The following IFT22 variants were observed in gnomAD, a reference collection of about 807,000 sequenced individuals.
The protein encoded by IFT22 is intraflagellar transport protein 22 homolog.
A neutral mutation model predicts 21.0 loss-of-function variants in IFT22; 13 were observed. That is an observed-to-expected ratio of 0.62 (90% CI 0.40 to 0.98). IFT22 has a LOEUF of 0.98. Among genes scored for constraint, IFT22 ranks in the 50% least tolerant of loss-of-function variants. The pLI is 0.00. For missense variants in IFT22, 227 were observed against 228.9 expected, an observed-to-expected ratio of 0.99 and a Z score of 0.06; for synonymous variants, 67 against 82.4, an observed-to-expected ratio of 0.81 and a Z score of 1.01.
At position 101,312,999 on chromosome 7, in the gene IFT22, A is replaced by T. The variant is rs1002958763; in HGVS notation, c.*2135T>A. Among the ~76,000 whole-genome samples the T allele has an allele frequency of 8.6e-5, 13 of 151,420 alleles. No individual in the cohort carries two copies. Among genetic ancestry groups the T allele is most frequent in the African/African-American group, 3.2e-4 (13 of 41,170 alleles). On this transcript the variant is annotated 3_prime_UTR_variant, in exon 5 of 5. Coordinates refer to ENST00000315322, the MANE Select transcript of IFT22 (RefSeq NM_022777.4). Reference sequence around the variant, plus strand: ...CAGGCACGTGCTACCACGCCCAGCTAATTTTTGTATTTTTAGTAGAGACGG... The same window carrying T: ...CAGGCACGTGCTACCACGCCCAGCTTATTTTTGTATTTTTAGTAGAGACGG...
chr7:101,316,204 G>A, intron 4 of IFT22, 136 bp downstream of exon 4: 1 of 797,254 alleles, frequency 1.3e-6, no homozygotes, highest in East Asian at 2.5e-5. Context: ...GACTCACATG[G>A]AGAGGGTAAC....
intron 4 of IFT22, 77 bp downstream of exon 4, chr7:101,316,263 T>C (rs1372898424): frequency 4.3e-6 from 6 of 1,409,180 alleles, no homozygotes; most frequent in Non-Finnish European, 6.0e-6. Context: ...GAGCTGCTGG[T>C]TTCTAGGACA....
Position 101,312,272 on chromosome 7 carries a change from AATT to A in IFT22, c.*2859_*2861del, listed in dbSNP as rs1400886361. Among the ~76,000 whole-genome samples the A allele has an allele frequency of 6.6e-6, 1 of 151,976 alleles. No individual in the cohort carries two copies. Among genetic ancestry groups the A allele is most frequent in the Non-Finnish European group, 1.5e-5 (1 of 68,004 alleles). On this transcript the variant is annotated 3_prime_UTR_variant, in exon 5 of 5. Coordinates refer to ENST00000315322, the MANE Select transcript of IFT22 (RefSeq NM_022777.4). ...TACAAAAATTAGCCAGGCGTGCACT[AATT>A]AGTGGGCTGGACCATTACTGGTGTG...
chr7:101,318,661 G>A (rs76890429), intron 2 of IFT22: 4,110 of 333,886 alleles, frequency 0.012, 164 homozygotes, highest in African/African-American at 0.078. Context: ...TTTTGAGACA[G>A]GGTCTCACTC....
chr7:101,318,256 A>C, intron 2 of IFT22, 43 bp from the exon 3 acceptor site: 2 of 1,503,944 alleles, frequency 1.3e-6, no homozygotes, highest in Non-Finnish European at 1.8e-6. Context: ...GCAGTGGCTC[A>C]CGCCTGTAAT....
chr7:101,320,541 G>A (rs1286554051), intron 1 of IFT22, among the ~76,000 whole-genome samples: 4 of 147,462 alleles, frequency 2.7e-5, no homozygotes, highest in Non-Finnish European at 5.9e-5. Context: ...TTACAGGCGT[G>A]AGCCACCGCG....
At chr7:101,316,259 C>G (rs760714769) in intron 4 of IFT22, 81 bp downstream of exon 4, 20 of 1,359,286 alleles carry the variant, frequency 1.5e-5, no homozygotes, top group African/African-American at 2.9e-5. Context: ...GACAGAGCTG[C>G]TGGTTTCTAG....
In IFT22 at chr7:101,320,558, CTTTTT is replaced by C. The variant is rs397889268; in HGVS notation, c.39+1108_39+1112del. On this transcript the variant is annotated intron_variant, in intron 1 of 4. Coordinates refer to ENST00000315322, the MANE Select transcript of IFT22 (RefSeq NM_022777.4). ...ACAGGCGTGAGCCACCGCGCCCGGC[CTTTTT>C]TTTTTTTTTTTTTTTTTAAACGCAT... 1.5e-3 allele frequency among the ~76,000 whole-genome samples: 149 copies of C among 101,634 alleles called. 1 individual carries two copies. Among genetic ancestry groups the C allele is most frequent in the African/African-American group, 5.2e-3 (142 of 27,272 alleles). The allele number at this position is 101,634 out of a possible 152,430, so 66.7% of individuals were successfully genotyped here.
intron 2 of IFT22, 105 bp from the exon 3 acceptor site, chr7:101,318,318 G>A (rs562424125): frequency 3.3e-5 from 24 of 722,744 alleles, no homozygotes; most frequent in African/African-American, 2.7e-4. Context: ...TCAGGAGTTC[G>A]AGACCAGCCT....
rs540842299 is a variant in IFT22 at position 101,314,826 on chromosome 7, G to C, written c.*308C>G. 3.4e-6 allele frequency: 1 copy of C among 296,522 alleles called. No homozygotes were observed. Among genetic ancestry groups the C allele is most frequent in the African/African-American group, 2.2e-5 (1 of 46,166 alleles). The allele number at this position is 296,522 out of a possible 1,614,324, so 18.4% of individuals were successfully genotyped here. Reference sequence around the variant, plus strand: ...TACTGTTGTATCATTGGGCTGCGACGGTTACAAGTCCACAAACTGTTTAAC... The same window carrying C: ...TACTGTTGTATCATTGGGCTGCGACCGTTACAAGTCCACAAACTGTTTAAC... On this transcript the variant is annotated 3_prime_UTR_variant, in exon 5 of 5. Coordinates refer to ENST00000315322, the MANE Select transcript of IFT22 (RefSeq NM_022777.4).
chr7:101,317,256 T>TC (rs1790186645), intron 3 of IFT22, among the ~76,000 whole-genome samples: 1 of 152,082 alleles, frequency 6.6e-6, no homozygotes, highest in Non-Finnish European at 1.5e-5. Context: ...CCTCCCAGGT[T>TC]CAAGCGATTC....
At chr7:101,316,208 G>T in intron 4 of IFT22, 132 bp downstream of exon 4, 1 of 818,226 alleles carries the variant, frequency 1.2e-6, no homozygotes, top group South Asian at 1.5e-5. Context: ...CACATGGAGA[G>T]GGTAACAATT....
Position 101,314,974 on chromosome 7 carries a change from T to G in IFT22, c.*160A>C, listed in dbSNP as rs1790098054. 1 of 711,590 alleles carries G rather than the reference T, an allele frequency of 1.4e-6. No individual in the cohort carries two copies. The highest frequency in any genetic ancestry group is 1.8e-5 in the African/African-American group (1 of 56,046). 44.1% of individuals were successfully genotyped at this position (711,590 alleles called of 1,614,324 possible). ...AACTCAGGGCAGAGCACAGATGGTCTGAGTGAACGCCCTGTGTGACAGGTG... is the reference window on the plus strand; with the variant it reads ...AACTCAGGGCAGAGCACAGATGGTCGGAGTGAACGCCCTGTGTGACAGGTG... On this transcript the variant is annotated 3_prime_UTR_variant, in exon 5 of 5. Transcript: ENST00000315322.
At chr7:101,316,784 T>A (rs1790169840) in intron 3 of IFT22, among the ~76,000 whole-genome samples, 1 of 151,430 alleles carries the variant, frequency 6.6e-6, no homozygotes, top group South Asian at 2.1e-4. Flanking sequence ...GTTAGGGGAG[T>A]GTGGTTGTGG....
chr7:101,315,536 C>T, intron 4 of IFT22: 1 of 493,650 alleles, frequency 2.0e-6, no homozygotes, highest in Non-Finnish European at 3.6e-6. Flanking sequence ...CATTTTGTTT[C>T]TGAATATTTT....
At chr7:101,319,580 C>T (rs1301698862) in intron 1 of IFT22, among the ~76,000 whole-genome samples, 1 of 150,438 alleles carries the variant, frequency 6.6e-6, no homozygotes, top group Admixed American at 6.7e-5. Context: ...TCGTGGCTAG[C>T]TGTCTCATAA....
rs386410832 is a variant in IFT22, at chr7:101,312,533, G to GTTTTTTTTTTTTTTTTTTTTTTTTT, written c.*2600_*2601insAAAAAAAAAAAAAAAAAAAAAAAAA. ...TAAATATAATGTTTTGGAGAGAGTT[G>GTTTTTTTTTTTTTTTTTTTTTTTTT]TTTTTTTTTTTTTTTTTTTTGTGAC... On this transcript the variant is annotated 3_prime_UTR_variant, in exon 5 of 5. Transcript: ENST00000315322. Among the ~76,000 whole-genome samples the GTTTTTTTTTTTTTTTTTTTTTTTTT allele has an allele frequency of 1.7e-5, 2 of 114,606 alleles. No homozygotes were observed. The highest frequency in any genetic ancestry group is 1.1e-4 in the Admixed American group (1 of 9,224). The allele number at this position is 114,606 out of a possible 152,430, so 75.2% of individuals were successfully genotyped here. A position where few individuals can be genotyped will look rare whatever the true frequency, so the allele number is the denominator to read the frequency against.
rs1180429122 is a variant in IFT22 at position 101,312,474 on chromosome 7, A to C, written c.*2660T>G. On this transcript the variant is annotated 3_prime_UTR_variant, in exon 5 of 5. Transcript: ENST00000315322. The stretch of plus-strand genomic sequence containing the variant: ...AATTGTGTCTGTACTCCACTTTCCA[A>C]CTGGATATAGTGTCCATATCAAGGT... Among the ~76,000 whole-genome samples, 1 of 151,574 alleles carries C rather than the reference A, an allele frequency of 6.6e-6. No homozygotes were observed. Among genetic ancestry groups the C allele is most frequent in the East Asian group, 1.9e-4 (1 of 5,156 alleles).
rs62483511 is a variant in IFT22, at chr7:101,311,526, C to T, written c.*3608G>A. On this transcript the variant is annotated 3_prime_UTR_variant, in exon 5 of 5. Transcript: ENST00000315322. ...AAGCCACTCTCTCCAGTAGACTGCT[C>T]ACACAGCTACATGTCAGCCCTCCTC... Among the ~76,000 whole-genome samples, 32,146 of 152,022 alleles carry T rather than the reference C, an allele frequency of 0.21. 3,676 individuals are homozygous for T. Among genetic ancestry groups the T allele is most frequent in the East Asian group, 0.39 (2,022 of 5,144 alleles).
Sources: gnomAD v4.1 joint callset for allele counts (sites outside exome capture counted in the v4.1 genomes callset) on GRCh38, gnomAD v4.1.1 for gene constraint, MANE v1.5 for transcripts, NCBI Gene and HGNC (gene_info 2026-07-23, HGNC 2026-07-21) for gene names.